The following FRMPD4 variants were observed in gnomAD, a reference collection of about 807,000 sequenced individuals.
FRMPD4 encodes the protein FERM and PDZ domain containing 4.
FRMPD4 carries 22 observed loss-of-function variants against 94.1 expected under a neutral mutation model. That is an observed-to-expected ratio of 0.23 (90% CI 0.17 to 0.33). The LOEUF is 0.33. FRMPD4 is among the 10% of genes least tolerant of loss of function. The pLI, the probability that FRMPD4 is intolerant of heterozygous loss-of-function variation, is 1.00. For synonymous variants in FRMPD4, 631 were observed against 548.6 expected (o/e 1.15, Z -2.10); for missense variants, 1,111 against 1,339.9 (o/e 0.83, Z 2.67).
chrX:12,316,340 A>G (rs184910205), intron 1 of FRMPD4, among the ~76,000 whole-genome samples: 3,939 of 108,281 alleles, frequency 0.036, 172 homozygotes, highest in African/African-American at 0.12. Context: ...TTTAGTAGAG[A>G]CGAGGTTTCA....
At chrX:12,274,956 C>T (rs1452467036) in intron 1 of FRMPD4, among the ~76,000 whole-genome samples, 2 of 111,938 alleles carry the variant, frequency 1.8e-5, no homozygotes, top group African/African-American at 3.2e-5. Context: ...TTGCAGTGAG[C>T]GGTGATCGCG....
intron 1 of FRMPD4, among the ~76,000 whole-genome samples, chrX:12,320,769 T>C (rs1302803852): frequency 9.0e-6 from 1 of 111,536 alleles, no homozygotes; most frequent in East Asian, 2.8e-4. Flanking sequence ...AAAGCGATAC[T>C]GTAAAATGTG....
intron 1 of FRMPD4, among the ~76,000 whole-genome samples, chrX:11,845,556 G>T (rs1210577496): frequency 1.9e-5 from 2 of 107,682 alleles, no homozygotes; most frequent in East Asian, 5.9e-4. Context: ...TGATACCAAA[G>T]CCGGGCAGAG....
chrX:12,061,469 T>C (rs2054885930), intron 3 of FRMPD4, among the ~76,000 whole-genome samples: 5 of 111,824 alleles, frequency 4.5e-5, no homozygotes, highest in African/African-American at 1.6e-4. Flanking sequence ...TGGCATAATC[T>C]GGTCTCCTGC....
chrX:12,684,569 T>G (rs968969100), intron 6 of FRMPD4, among the ~76,000 whole-genome samples: 1 of 111,557 alleles, frequency 9.0e-6, no homozygotes. Flanking sequence ...TGCTGCCCTG[T>G]GAGCATGGTC....
chrX:12,569,457 G>T (rs1407543698), intron 2 of FRMPD4, among the ~76,000 whole-genome samples: 1 of 111,537 alleles, frequency 9.0e-6, no homozygotes, highest in Non-Finnish European at 1.9e-5. Flanking sequence ...TATGGCTCAG[G>T]TTATCAATCA....
At chrX:12,492,621 T>C (rs1475133760) in intron 1 of FRMPD4, among the ~76,000 whole-genome samples, 1 of 111,957 alleles carries the variant, frequency 8.9e-6, no homozygotes, top group African/African-American at 3.3e-5. Context: ...ACTGTGTGCT[T>C]TTCCCCCTTT....
At chrX:12,362,799 T>G (rs1033878806) in intron 1 of FRMPD4, among the ~76,000 whole-genome samples, 2 of 112,091 alleles carry the variant, frequency 1.8e-5, no homozygotes, top group African/African-American at 3.3e-5. Flanking sequence ...CCACAATGGT[T>G]GAACTAGTTT....
Position 12,704,470 on chromosome X carries a change from A to G in FRMPD4, c.1182A>G (p.Val394=). ...TTGTCAAAGCAAATCAAAACTTGGT[A>G]CCACCGGGTAAAAAGGTATCACATT... ...SHLVKANQNL[V]PPGKKLSALQ... The change falls in exon 11 of 17, where the codon GTA becomes GTG. Residue 394 remains valine, a synonymous_variant. Coordinates refer to ENST00000675598, the MANE Select transcript of FRMPD4 (RefSeq NM_001368397.1). The G allele has an allele frequency of 8.5e-7, 1 of 1,178,966 alleles. No homozygotes were observed. The highest frequency in any genetic ancestry group is 1.1e-6 in the Non-Finnish European group (1 of 875,776).
At chrX:12,093,812 G>A (rs1318304197) in intron 3 of FRMPD4, among the ~76,000 whole-genome samples, 1 of 109,806 alleles carries the variant, frequency 9.1e-6, no homozygotes, top group Non-Finnish European at 1.9e-5. Flanking sequence ...CTGTGCTGGG[G>A]CTTCAGTCTG....
chrX:11,952,710 C>T (rs973535434), intron 3 of FRMPD4, among the ~76,000 whole-genome samples: 1 of 112,085 alleles, frequency 8.9e-6, no homozygotes, highest in African/African-American at 3.2e-5. Context: ...GCATCTTACC[C>T]TGGGAACTCC....
At chrX:12,141,252 T>A (rs1450644662) in intron 1 of FRMPD4, among the ~76,000 whole-genome samples, 4 of 112,048 alleles carry the variant, frequency 3.6e-5, no homozygotes, top group African/African-American at 1.3e-4. Flanking sequence ...CATGGTTACT[T>A]CAGTGCTTAA....
At chrX:11,970,898 A>G (rs2054336675) in intron 3 of FRMPD4, among the ~76,000 whole-genome samples, 1 of 111,970 alleles carries the variant, frequency 8.9e-6, no homozygotes, top group Non-Finnish European at 1.9e-5. Context: ...ATCCAATTCC[A>G]TTTGAGTGTC....
intron 1 of FRMPD4, among the ~76,000 whole-genome samples, chrX:12,213,813 G>A (rs1176223668): frequency 8.9e-6 from 1 of 111,920 alleles, no homozygotes; most frequent in Non-Finnish European, 1.9e-5. Context: ...ACCAAATTCT[G>A]GTGAGGTGAC....
chrX:12,082,017 C>A (rs1451145177), intron 3 of FRMPD4, among the ~76,000 whole-genome samples: 1 of 111,794 alleles, frequency 8.9e-6, no homozygotes, highest in African/African-American at 3.3e-5. Flanking sequence ...ACTGTTAAAG[C>A]AAAATGAGAT....
rs141964248 is a variant in FRMPD4 at position 12,224,596 on chromosome X, G to A, written c.41+85584G>A. ...TTTGCTGCTAAAACAGTTTTCCAAT[G>A]CTAGAAACTTGAGATGAGATTAGAT... is the stretch of plus-strand genomic sequence containing the variant. On this transcript the variant is annotated intron_variant, in intron 1 of 16. Coordinates refer to ENST00000675598, the MANE Select transcript of FRMPD4 (RefSeq NM_001368397.1). Among the ~76,000 whole-genome samples, 819 of 111,681 alleles carry A rather than the reference G, an allele frequency of 7.3e-3. 2 individuals are homozygous for A. Among genetic ancestry groups the A allele is most frequent in the Non-Finnish European group, 0.012 (644 of 53,099 alleles).
intron 1 of FRMPD4, among the ~76,000 whole-genome samples, chrX:12,418,715 A>ACT (rs1289851703): frequency 9.0e-6 from 1 of 111,427 alleles, no homozygotes; most frequent in Non-Finnish European, 1.9e-5. Context: ...CAAGGTTGAG[A>ACT]TAAGCATAGA....
intron 1 of FRMPD4, among the ~76,000 whole-genome samples, chrX:12,236,003 T>C (rs1196748594): frequency 9.0e-6 from 1 of 110,932 alleles, no homozygotes; most frequent in Non-Finnish European, 1.9e-5. Flanking sequence ...CCGGCCTATC[T>C]CCCTCCACCT....
At chrX:12,299,158 C>T (rs1380984574) in intron 1 of FRMPD4, among the ~76,000 whole-genome samples, 2 of 111,594 alleles carry the variant, frequency 1.8e-5, no homozygotes, top group Non-Finnish European at 3.8e-5. Context: ...AAACTGTCTT[C>T]AAATTTGTAC....
Sources: gnomAD v4.1 joint callset for allele counts (sites outside exome capture counted in the v4.1 genomes callset) on GRCh38, gnomAD v4.1.1 for gene constraint, MANE v1.5 for transcripts, NCBI Gene and HGNC (gene_info 2026-07-23, HGNC 2026-07-21) for gene names.